Variants in CACNB4 observed in about 807,000 individuals in gnomAD.
The protein encoded by CACNB4 is voltage-dependent L-type calcium channel subunit beta-4.
CACNB4 carries 32 observed loss-of-function variants against 71.2 expected under a neutral mutation model. The ratio of observed to expected loss-of-function variants is 0.45; its 90% CI spans 0.34 to 0.60. The LOEUF is 0.60. Among genes scored for constraint, CACNB4 ranks in the 20% least tolerant of loss-of-function variants. The pLI, the probability that CACNB4 is intolerant of heterozygous loss-of-function variation, is 0.01. For missense variants in CACNB4, 464 were observed against 647.9 expected, an observed-to-expected ratio of 0.72 and a Z score of 3.08; for synonymous variants, 231 against 236.9, an observed-to-expected ratio of 0.97 and a Z score of 0.23.
intron 2 of CACNB4, among the ~76,000 whole-genome samples, chr2:152,035,575 C>T (rs1684514570): frequency 6.6e-6 from 1 of 150,884 alleles, no homozygotes; most frequent in African/African-American, 2.5e-5. Flanking sequence ...CTCTTTCTCT[C>T]TCTCTCTCTC....
chr2:151,878,151 G>GTA (rs2099846921), intron 4 of CACNB4, among the ~76,000 whole-genome samples: 1 of 151,730 alleles, frequency 6.6e-6, no homozygotes, highest in African/African-American at 2.4e-5. Context: ...ATGATATGTA[G>GTA]TATATTTTGC....
At position 151,869,244 on chromosome 2, in the gene CACNB4, A is replaced by T; in HGVS notation, c.700-9T>A. 6.5e-7 allele frequency: 1 copy of T among 1,542,800 alleles called. No individual in the cohort carries two copies. The highest frequency in any genetic ancestry group is 8.8e-7 in the Non-Finnish European group (1 of 1,134,622). On this transcript the variant is annotated splice_polypyrimidine_tract_variant and intron_variant, in intron 8 of 13. Transcript: ENST00000539935. ...TGCATCATGTCTGTTACCTTTGCAG[A>T]GGTGAGAAAAAAAGAATGAGGCAAA...
chr2:151,878,274 TG>T (rs1165904783), intron 4 of CACNB4, among the ~76,000 whole-genome samples: 1 of 152,094 alleles, frequency 6.6e-6, no homozygotes, highest in East Asian at 1.9e-4. Flanking sequence ...AATCACACCA[TG>T]AAGTTCTGGG....
chr2:151,868,685 T>C (rs190762378), intron 9 of CACNB4: 8 of 152,076 alleles, frequency 5.3e-5, no homozygotes, highest in Admixed American at 4.6e-4. Context: ...CCCTACAAAA[T>C]GATCACTTTG....
At chr2:152,079,226 C>A (rs925737989) in intron 2 of CACNB4, among the ~76,000 whole-genome samples, 3 of 152,016 alleles carry the variant, frequency 2.0e-5, no homozygotes, top group Admixed American at 2.0e-4. Flanking sequence ...GTAGCTGAGA[C>A]TACAGGTACC....
chr2:152,098,825 G>A lies in CACNB4; in HGVS notation c.63+124C>T. On this transcript the variant is annotated intron_variant, in intron 1 of 13. Coordinates refer to ENST00000539935, the MANE Select transcript of CACNB4 (RefSeq NM_000726.5). This position sits in a 1 kb window ranked among gnomAD's most constrained non-coding sequence, Gnocchi z 5.3. ...ACGTGGAGGAGGGGTGGGGGGAGCGGGGCCGCCGACTCCCGGGACTGGGGC... is the reference window on the plus strand; with the variant it reads ...ACGTGGAGGAGGGGTGGGGGGAGCGAGGCCGCCGACTCCCGGGACTGGGGC... 2 of 999,092 alleles carry A rather than the reference G, an allele frequency of 2.0e-6. No homozygotes were observed. The highest frequency in any genetic ancestry group is 1.7e-5 in the South Asian group (1 of 59,406). The allele number at this position is 999,092 out of a possible 1,614,324, so 61.9% of individuals were successfully genotyped here. A position where few individuals can be genotyped will look rare whatever the true frequency, so the allele number is the denominator to read the frequency against.
In CACNB4 at chr2:151,833,672, A is replaced by C. The variant is rs549842335; in HGVS notation, c.*5447T>G. Reference sequence around the variant, plus strand: ...AGTTAAAAAGATGGTAGATGAAGTAAATCTGACAAAACTTAGAACTAAATC... The same window carrying C: ...AGTTAAAAAGATGGTAGATGAAGTACATCTGACAAAACTTAGAACTAAATC... On this transcript the variant is annotated 3_prime_UTR_variant, in exon 14 of 14. Transcript: ENST00000539935. 64 of 152,236 alleles carry C rather than the reference A, an allele frequency of 4.2e-4. No homozygotes were observed. The highest frequency in any genetic ancestry group is 1.5e-3 in the African/African-American group (62 of 41,576). 9.4% of individuals were successfully genotyped at this position (152,236 alleles called of 1,614,324 possible).
chr2:152,011,007 CAG>C (rs1683024841), intron 2 of CACNB4, among the ~76,000 whole-genome samples: 1 of 152,174 alleles, frequency 6.6e-6, no homozygotes, highest in Admixed American at 6.5e-5. Context: ...GAAAAAGGAA[CAG>C]ACACCCTTGG....
chr2:152,084,471 C>T (rs1687536422), intron 2 of CACNB4, among the ~76,000 whole-genome samples: 1 of 152,198 alleles, frequency 6.6e-6, no homozygotes, highest in African/African-American at 2.4e-5. Context: ...CGTTAAGACA[C>T]TTACTGGACT....
At chr2:152,058,560 CCT>C (rs759228194) in intron 2 of CACNB4, among the ~76,000 whole-genome samples, 2 of 152,158 alleles carry the variant, frequency 1.3e-5, no homozygotes, top group Non-Finnish European at 2.9e-5. Context: ...GCATTTTGCC[CCT>C]GTCCTAGAGA....
chr2:151,866,506 T>C (rs530249736), intron 9 of CACNB4: 3 of 152,380 alleles, frequency 2.0e-5, no homozygotes, highest in Non-Finnish European at 4.4e-5. Context: ...ATTTGTTTTT[T>C]TCTCTCCTTG....
chr2:151,898,576 G>T (rs1014042498), intron 2 of CACNB4, among the ~76,000 whole-genome samples: 1 of 152,118 alleles, frequency 6.6e-6, no homozygotes, highest in Non-Finnish European at 1.5e-5. Context: ...TTGTTTCAAC[G>T]AGGAAAATAA....
Position 152,098,383 on chromosome 2 carries a change from T to C in CACNB4, c.94A>G (p.Arg32Gly), listed in dbSNP as rs748411961. 1 of 1,613,674 alleles carries C rather than the reference T, an allele frequency of 6.2e-7. No homozygotes were observed. The highest frequency in any genetic ancestry group is 2.2e-5 in the East Asian group (1 of 44,862). ...GTGCTGCCATCGGATCTTTTCAACC[T>C]GCTCCTCCGGGTTGTGGTGCCTCGG... ...VARGTTTRRS[R>G]LKRSDGSTTS... The change falls in exon 2 of 14, where the codon AGG becomes GGG. Residue 32 changes from arginine (R) to glycine (G), a missense_variant. Physicochemically the swap from Arg to Gly is moderately radical, Grantham distance 125 (BLOSUM62 -2). Coordinates refer to ENST00000539935, the MANE Select transcript of CACNB4 (RefSeq NM_000726.5). The surrounding 1 kb of genome is among the most constrained non-coding windows in gnomAD (Gnocchi z 5.3).
intron 2 of CACNB4, among the ~76,000 whole-genome samples, chr2:152,093,401 G>A (rs1371218948): frequency 4.2e-5 from 2 of 47,226 alleles, no homozygotes; most frequent in Non-Finnish European, 6.9e-5. Context: ...CTGTTTTTTG[G>A]TGTGTGTGTG....
At chr2:151,937,196 G>A (rs530343436) in intron 2 of CACNB4, among the ~76,000 whole-genome samples, 1 of 152,320 alleles carries the variant, frequency 6.6e-6, no homozygotes, top group Admixed American at 6.5e-5. Context: ...GGCCTTGTAA[G>A]TGGCTGGGTG....
intron 2 of CACNB4, among the ~76,000 whole-genome samples, chr2:152,020,420 T>C (rs1009504222): frequency 6.6e-6 from 1 of 152,122 alleles, no homozygotes; most frequent in Admixed American, 6.6e-5. Flanking sequence ...CATTTCAGTA[T>C]AGGGTGAGGG....
intron 5 of CACNB4, chr2:151,875,072 G>T (rs545870627): frequency 2.6e-6 from 1 of 386,578 alleles, no homozygotes; most frequent in South Asian, 1.3e-4. Flanking sequence ...GGGGGATTTG[G>T]CAGGGTCACA....
chr2:151,913,925 C>T (rs148986086), intron 2 of CACNB4, among the ~76,000 whole-genome samples: 6,962 of 152,168 alleles, frequency 0.046, 491 homozygotes, highest in Admixed American at 0.19. Flanking sequence ...TTCATTTCAA[C>T]CTTGGAGAAT....
chr2:151,910,011 C>T (rs1052142529), intron 2 of CACNB4, among the ~76,000 whole-genome samples: 18 of 152,134 alleles, frequency 1.2e-4, no homozygotes, highest in Non-Finnish European at 2.4e-4. Flanking sequence ...AGTGTAAAAG[C>T]GTTCCTATTT....
Sources: allele counts gnomAD v4.1 joint callset (sites outside exome capture counted in the v4.1 genomes callset), GRCh38; gene constraint gnomAD v4.1.1; non-coding constraint Gnocchi (gnomAD v3.1); transcripts MANE v1.5; gene names NCBI Gene and HGNC (gene_info 2026-07-23, HGNC 2026-07-21).